Variants in PTGIS observed in about 807,000 individuals in gnomAD.
PTGIS encodes the protein prostaglandin I2 synthase.
PTGIS carries 45 observed loss-of-function variants against 50.3 expected under a neutral mutation model. The observed-to-expected ratio is 0.90, with a 90% CI of 0.70 to 1.15. The LOEUF is 1.15. PTGIS is among the 50% of genes most tolerant of loss of function. The pLI, the probability that PTGIS is intolerant of heterozygous loss-of-function variation, is 0.00. For synonymous variants in PTGIS, 260 were observed against 267.7 expected (o/e 0.97, Z 0.28); for missense variants, 668 against 661.3 (o/e 1.01, Z -0.11).
chr20:49,539,425 C>A (rs1982164231), intron 5 of PTGIS, 145 bp downstream of exon 5: 2 of 1,000,230 alleles, frequency 2.0e-6, no homozygotes, highest in South Asian at 1.6e-5. Flanking sequence ...CTCTTGCATA[C>A]CCCCAGTGAT....
intron 5 of PTGIS, among the ~76,000 whole-genome samples, chr20:49,538,488 A>C (rs1177416641): frequency 1.3e-5 from 2 of 152,072 alleles, no homozygotes; most frequent in African/African-American, 4.8e-5. Context: ...CCCAACATCA[A>C]GTTGAGTGAA....
intron 2 of PTGIS, among the ~76,000 whole-genome samples, chr20:49,548,292 T>C (rs1274714954): frequency 6.6e-6 from 1 of 152,164 alleles, no homozygotes; most frequent in African/African-American, 2.4e-5. Context: ...AATTTGGGAA[T>C]ATTGAGGCTT....
intron 1 of PTGIS, among the ~76,000 whole-genome samples, chr20:49,550,976 G>A (rs1274293615): frequency 6.6e-6 from 1 of 152,206 alleles, no homozygotes; most frequent in Non-Finnish European, 1.5e-5. Flanking sequence ...GGCCAAGGCA[G>A]GTGGATCACT....
chr20:49,565,774 C>T (rs1450107450), intron 1 of PTGIS, among the ~76,000 whole-genome samples: 2 of 152,182 alleles, frequency 1.3e-5, no homozygotes, highest in African/African-American at 2.4e-5. Context: ...ATGGAGATAA[C>T]CAGAGTGTCC....
intron 5 of PTGIS, among the ~76,000 whole-genome samples, chr20:49,526,219 C>A (rs962305685): frequency 2.6e-5 from 4 of 152,126 alleles, no homozygotes; most frequent in Non-Finnish European, 4.4e-5. Flanking sequence ...GCCTGCAGGG[C>A]GCGGGCAGTG....
At chr20:49,553,457 A>T (rs1255761096) in intron 1 of PTGIS, among the ~76,000 whole-genome samples, 3 of 152,084 alleles carry the variant, frequency 2.0e-5, no homozygotes, top group Non-Finnish European at 1.5e-5. Context: ...AGTTTTCATA[A>T]GTAATCTAGG....
intron 2 of PTGIS, 34 bp downstream of exon 2, chr20:49,550,032 T>A: frequency 6.2e-7 from 1 of 1,613,906 alleles, no homozygotes. Flanking sequence ...CAGCTGCTCA[T>A]CCCCATCCCT....
Position 49,550,087 on chromosome 20 carries a change from C to T in PTGIS, c.177G>A (p.Glu59=), listed in dbSNP as rs145664269. ...TTACAGTAAAGATGTCACCGTGCTTCTCCTTCATCCTCGTGAGGAAGCTGG... is the reference window on the plus strand; with the variant it reads ...TTACAGTAAAGATGTCACCGTGCTTTTCCTTCATCCTCGTGAGGAAGCTGG... ...DAASFLTRMK[E]KHGDIFTILV... The change falls in exon 2 of 10, where the codon GAG becomes GAA. Residue 59 remains glutamate (E), a synonymous_variant. Coordinates refer to ENST00000244043, the MANE Select transcript of PTGIS (RefSeq NM_000961.4). 1.2e-6 allele frequency: 2 copies of T among 1,614,218 alleles called. No individual in the cohort carries two copies. Among genetic ancestry groups the T allele is most frequent in the Non-Finnish European group, 1.7e-6 (2 of 1,180,040 alleles).
chr20:49,531,418 A>G (rs563220732), intron 5 of PTGIS, among the ~76,000 whole-genome samples: 1 of 152,272 alleles, frequency 6.6e-6, no homozygotes, highest in Middle Eastern at 3.4e-3. Context: ...AAGAAAGCAA[A>G]TGTTCGAAAT....
chr20:49,510,418 A>T (rs911444611), intron 9 of PTGIS, among the ~76,000 whole-genome samples: 1 of 152,166 alleles, frequency 6.6e-6, no homozygotes, highest in African/African-American at 2.4e-5. Flanking sequence ...GAAAGATCCA[A>T]TTCATTTATC....
At position 49,544,389 on chromosome 20, in the gene PTGIS, G is replaced by T. The variant is rs1273310388; in HGVS notation, c.437C>A (p.Ala146Glu). 2 of 1,614,138 alleles carry T rather than the reference G, an allele frequency of 1.2e-6. No individual in the cohort carries two copies. The highest frequency in any genetic ancestry group is 1.7e-6 in the Non-Finnish European group (2 of 1,180,018). Residue 146 changes from alanine to glutamate, a missense_variant, in exon 4 of 10, where the codon GCA becomes GAA. Ala to Glu is a moderately radical substitution (Grantham distance 107, BLOSUM62 -1). Transcript: ENST00000244043. ...TTCTGTAGCATCGCCCAACAGCACT[G>T]CATGGAGGTTGGTATACATGGCTTC... ...LTEAMYTNLH[A>E]VLLGDATEAG...
At chr20:49,558,299 G>A (rs996716208) in intron 1 of PTGIS, among the ~76,000 whole-genome samples, 2 of 152,142 alleles carry the variant, frequency 1.3e-5, no homozygotes, top group African/African-American at 4.8e-5. Context: ...TGAGTTTGGG[G>A]GATCACTTGA....
In PTGIS at chr20:49,536,474, CTTTCTTTTT is replaced by C. The variant is rs1372199247; in HGVS notation, c.673+3087_673+3095del. 6.8e-4 allele frequency among the ~76,000 whole-genome samples: 86 copies of C among 125,580 alleles called. 1 individual carries two copies. The highest frequency in any genetic ancestry group is 2.9e-3 in the African/African-American group (84 of 28,932). The allele number at this position is 125,580 out of a possible 152,430, so 82.4% of individuals were successfully genotyped here. A position where few individuals can be genotyped will look rare whatever the true frequency, so the allele number is the denominator to read the frequency against. ...TTTTCTTTTCTTTCTTTCTTTCTTT[CTTTCTTTTT>C]TTTTTTTTTTTTTTTGAGACGGAGT... On this transcript the variant is annotated intron_variant, in intron 5 of 9. Coordinates refer to ENST00000244043, the MANE Select transcript of PTGIS (RefSeq NM_000961.4).
In PTGIS at chr20:49,507,930, A is replaced by G; in HGVS notation, c.1493T>C (p.Ile498Thr). The change falls in exon 10 of 10, where the codon ATC (isoleucine) becomes ACC (threonine). Residue 498 changes from isoleucine (I) to threonine (T), a missense_variant. Ile to Thr is a moderately conservative substitution (Grantham distance 89). Coordinates refer to ENST00000244043, the MANE Select transcript of PTGIS (RefSeq NM_000961.4). ...PEHDVPVRYR[I>T]RP The stretch of plus-strand genomic sequence containing the variant: ...CATCTGCTCCCTGTGTCATGGGCGG[A>G]TGCGGTAGCGGACGGGCACGTCGTG... The G allele has an allele frequency of 1.2e-6, 2 of 1,612,406 alleles. No homozygotes were observed. The highest frequency in any genetic ancestry group is 1.7e-6 in the Non-Finnish European group (2 of 1,180,032).
intron 3 of PTGIS, among the ~76,000 whole-genome samples, chr20:49,544,770 C>T (rs1179819054): frequency 3.9e-5 from 6 of 152,154 alleles, no homozygotes; most frequent in Non-Finnish European, 1.5e-5. Flanking sequence ...ACAGCCAAAG[C>T]GGGACTGAAA....
At chr20:49,548,725 G>A (rs1271179145) in intron 2 of PTGIS, among the ~76,000 whole-genome samples, 1 of 151,740 alleles carries the variant, frequency 6.6e-6, no homozygotes, top group Non-Finnish European at 1.5e-5. Flanking sequence ...AAGGAAGGAA[G>A]GAAGGGAGGG....
chr20:49,513,364 G>A (rs1981379490), intron 7 of PTGIS, 103 bp from the exon 8 acceptor site: 1 of 1,338,532 alleles, frequency 7.5e-7, no homozygotes, highest in African/African-American at 1.4e-5. Context: ...GAGGCTCAGA[G>A]AGGGTGCCTG....
rs576454833 is a variant in PTGIS at position 49,534,020 on chromosome 20, C to T, written c.673+5550G>A. 5.4e-4 allele frequency among the ~76,000 whole-genome samples: 82 copies of T among 152,062 alleles called. 1 individual carries two copies. The highest frequency in any genetic ancestry group is 2.0e-3 in the Admixed American group (30 of 15,258). ...TATGTATATATAGTGATATAGTATACCCTCTGCCTGCAGCTTGCTCTTTTT... is the reference window on the plus strand; with the variant it reads ...TATGTATATATAGTGATATAGTATATCCTCTGCCTGCAGCTTGCTCTTTTT... On this transcript the variant is annotated intron_variant, in intron 5 of 9. Transcript: ENST00000244043.
intron 3 of PTGIS, among the ~76,000 whole-genome samples, chr20:49,545,304 A>G (rs1051413023): frequency 3.3e-5 from 5 of 152,158 alleles, no homozygotes; most frequent in African/African-American, 9.7e-5. Flanking sequence ...CTGTAGTCCC[A>G]GCTACTCAGG....
Sources: gnomAD v4.1 joint callset for allele counts (sites outside exome capture counted in the v4.1 genomes callset) on GRCh38, gnomAD v4.1.1 for gene constraint, MANE v1.5 for transcripts, NCBI Gene and HGNC (gene_info 2026-07-23, HGNC 2026-07-21) for gene names.